RNF220: variants seen among roughly 807,000 people sequenced by gnomAD.
The protein encoded by RNF220 is E3 ubiquitin-protein ligase RNF220.
In RNF220, 7 loss-of-function variants were observed where a neutral mutation model predicts 67.1. That is an observed-to-expected ratio of 0.10 (90% CI 0.06 to 0.20). RNF220 has a LOEUF of 0.20. RNF220 is among the 10% of genes least tolerant of loss of function. The pLI, the probability that RNF220 is intolerant of heterozygous loss-of-function variation, is 1.00. For missense variants in RNF220, 565 were observed against 740.3 expected (o/e 0.76, Z 2.75); for synonymous variants, 270 against 283.2 (o/e 0.95, Z 0.47).
At chr1:44,503,243 A>G (rs1357421335) in intron 2 of RNF220, among the ~76,000 whole-genome samples, 2 of 150,748 alleles carry the variant, frequency 1.3e-5, no homozygotes, top group East Asian at 2.0e-4. Context: ...CTGAGGCAGG[A>G]GAATCACTTG....
intron 2 of RNF220, among the ~76,000 whole-genome samples, chr1:44,508,730 TCACTCCA>T (rs1244966767): frequency 1.9e-4 from 29 of 152,340 alleles, no homozygotes; most frequent in Non-Finnish European, 1.8e-4. Flanking sequence ...GATCTCTTTC[TCACTCCA>T]CATAGTGACC....
chr1:44,626,747 G>A (rs1643952791), intron 5 of RNF220: 2 of 226,648 alleles, frequency 8.8e-6, no homozygotes, highest in South Asian at 8.2e-5. Flanking sequence ...GACTTCAAAA[G>A]CATGATACCG....
intron 2 of RNF220, among the ~76,000 whole-genome samples, chr1:44,570,091 C>T (rs569255635): frequency 3.9e-5 from 6 of 152,234 alleles, no homozygotes; most frequent in South Asian, 2.1e-4. Context: ...CGAATGGAAG[C>T]GATGGGTATA....
chr1:44,475,471 G>A (rs2148005313), intron 2 of RNF220, among the ~76,000 whole-genome samples: 1 of 150,688 alleles, frequency 6.6e-6, no homozygotes, highest in South Asian at 2.1e-4. Flanking sequence ...TCAGGAGGCT[G>A]AGGCAGGAGA....
At chr1:44,643,941 G>C (rs1352622607) in intron 8 of RNF220, 1 of 153,244 alleles carries the variant, frequency 6.5e-6, no homozygotes. Flanking sequence ...GAGTCCGTCT[G>C]TGGCTGTGCC....
At chr1:44,563,730 A>T (rs1663769325) in intron 2 of RNF220, among the ~76,000 whole-genome samples, 1 of 152,206 alleles carries the variant, frequency 6.6e-6, no homozygotes, top group Non-Finnish European at 1.5e-5. Context: ...ATATTTCAAA[A>T]GGTTGTTGTA....
intron 8 of RNF220, chr1:44,638,192 C>T (rs905212989): frequency 2.0e-5 from 3 of 152,276 alleles, no homozygotes; most frequent in African/African-American, 7.2e-5. Flanking sequence ...GTGGCCTCGC[C>T]AGGCGGGCTG....
intron 3 of RNF220, among the ~76,000 whole-genome samples, chr1:44,620,063 C>G (rs1643729872): frequency 6.6e-6 from 1 of 152,174 alleles, no homozygotes; most frequent in Non-Finnish European, 1.5e-5. Context: ...TCAGCAGTTC[C>G]CCTCCCCAAA....
At chr1:44,495,794 A>G (rs1657292274) in intron 2 of RNF220, among the ~76,000 whole-genome samples, 1 of 152,226 alleles carries the variant, frequency 6.6e-6, no homozygotes, top group Non-Finnish European at 1.5e-5. Context: ...TAAGAGGGTA[A>G]CAGAAAATAG....
At chr1:44,573,443 G>T (rs1286960167) in intron 2 of RNF220, among the ~76,000 whole-genome samples, 1 of 152,244 alleles carries the variant, frequency 6.6e-6, no homozygotes, top group African/African-American at 2.4e-5. Flanking sequence ...CTAGAAAGAA[G>T]AGAAGAGACC....
intron 2 of RNF220, among the ~76,000 whole-genome samples, chr1:44,457,804 T>A (rs763189554): frequency 6.1e-4 from 93 of 152,222 alleles, no homozygotes; most frequent in Middle Eastern, 3.2e-3. Flanking sequence ...ATATACTACA[T>A]ATATACTTTC....
intron 2 of RNF220, among the ~76,000 whole-genome samples, chr1:44,470,229 A>C (rs1014510238): frequency 6.6e-6 from 1 of 152,244 alleles, no homozygotes; most frequent in Non-Finnish European, 1.5e-5. Context: ...CAAGAGTGAC[A>C]AAGAGGAAGG....
intron 2 of RNF220, among the ~76,000 whole-genome samples, chr1:44,558,332 C>T (rs1316448826): frequency 6.6e-6 from 1 of 152,230 alleles, no homozygotes; most frequent in Non-Finnish European, 1.5e-5. Flanking sequence ...AGGGCCATAC[C>T]TTTGGCTGGA....
chr1:44,635,716 C>A, intron 7 of RNF220, 128 bp downstream of exon 7: 1 of 1,525,016 alleles, frequency 6.6e-7, no homozygotes. Flanking sequence ...CTTCCCCCGA[C>A]ACTAGCTGCT....
At chr1:44,636,352 A>T (rs1484098586) in intron 8 of RNF220, 190 bp downstream of exon 8, 1 of 782,976 alleles carries the variant, frequency 1.3e-6, no homozygotes, top group Non-Finnish European at 2.2e-6. Context: ...AAATGGATGT[A>T]TTTGGGTGGG....
At chr1:44,436,641 T>G (rs902178880) in intron 2 of RNF220, among the ~76,000 whole-genome samples, 1 of 152,194 alleles carries the variant, frequency 6.6e-6, no homozygotes, top group African/African-American at 2.4e-5. Flanking sequence ...TCAAAAAGGC[T>G]TTAAAAGACT....
intron 2 of RNF220, among the ~76,000 whole-genome samples, chr1:44,415,580 T>C (rs1648447416): frequency 6.6e-6 from 1 of 152,202 alleles, no homozygotes; most frequent in East Asian, 1.9e-4. Flanking sequence ...GCTGATATGG[T>C]TGACTCATTT....
At chr1:44,561,260 C>A (rs1240512916) in intron 2 of RNF220, among the ~76,000 whole-genome samples, 1 of 152,208 alleles carries the variant, frequency 6.6e-6, no homozygotes, top group African/African-American at 2.4e-5. Flanking sequence ...GCCTGTAATC[C>A]CAGCACTTTG....
chr1:44,608,408 CTAGGTGAGTGGG>C (rs1667436337), intron 2 of RNF220, among the ~76,000 whole-genome samples: 1 of 152,168 alleles, frequency 6.6e-6, no homozygotes, highest in Non-Finnish European at 1.5e-5. Context: ...GAATCATTAG[CTAGGTGAGTGGG>C]TAGGTAGGTA....
Sources: allele counts gnomAD v4.1 joint callset (sites outside exome capture counted in the v4.1 genomes callset), GRCh38; gene constraint gnomAD v4.1.1; transcripts MANE v1.5; gene names NCBI Gene and HGNC (gene_info 2026-07-23, HGNC 2026-07-21).